NFAM1: variants seen among roughly 807,000 people sequenced by gnomAD.
NFAM1 encodes NFAT activation molecule 1.
NFAM1 carries 17 observed loss-of-function variants against 29.0 expected under a neutral mutation model. The ratio of observed to expected loss-of-function variants is 0.59; its 90% CI spans 0.40 to 0.88. The LOEUF is 0.88. Among genes scored for constraint, NFAM1 ranks in the 40% least tolerant of loss-of-function variants. The pLI is 0.00. For missense variants in NFAM1, 324 were observed against 344.6 expected (o/e 0.94, Z 0.47); for synonymous variants, 175 against 147.2 (o/e 1.19, Z -1.36).
At chr22:42,433,609 A>T (rs1930872213), upstream of NFAM1, among the ~76,000 whole-genome samples, 1 of 152,178 alleles carries the variant, frequency 6.6e-6, no homozygotes, top group African/African-American at 2.4e-5. Context: ...GGCTGCTCCA[A>T]ACATGAACAG....
intron 1 of NFAM1, among the ~76,000 whole-genome samples, chr22:42,420,073 C>T (rs560376521): frequency 7.2e-5 from 10 of 138,156 alleles, no homozygotes; most frequent in South Asian, 4.9e-4. Flanking sequence ...TGAAATGGCA[C>T]GATCTCGGCT....
chr22:42,435,391 A>G (rs1399913671), upstream of NFAM1, among the ~76,000 whole-genome samples: 1 of 144,468 alleles, frequency 6.9e-6, no homozygotes, highest in African/African-American at 2.6e-5. Flanking sequence ...CTTGTTGCCC[A>G]GGCTGGAGTG....
chr22:42,432,281 A>C lies in NFAM1; in HGVS notation c.77T>G (p.Leu26Arg). Residue 26 changes from leucine (L) to arginine (R), a missense_variant, in exon 1 of 6, where the codon CTC becomes CGC. By Grantham distance (102) the Leu-to-Arg change is moderately radical (BLOSUM62 -2). Coordinates refer to ENST00000329021, the MANE Select transcript of NFAM1 (RefSeq NM_145912.8). Reference sequence around the variant, plus strand: ...GGGCAGCAGCAGCACGCCAAGGAGGAGCCAGGGGGCTGCGGGGAGCCCAGG... The same window carrying C: ...GGGCAGCAGCAGCACGCCAAGGAGGCGCCAGGGGGCTGCGGGGAGCCCAGG... Reference protein sequence around the residue: ...RPPGLPAAPWLLLGVLLLPGT... With the variant: ...RPPGLPAAPWRLLGVLLLPGT... The C allele has an allele frequency of 6.4e-7, 1 of 1,572,900 alleles. No individual in the cohort carries two copies. The highest frequency in any genetic ancestry group is 8.6e-7 in the Non-Finnish European group (1 of 1,158,774).
intron 1 of NFAM1, among the ~76,000 whole-genome samples, chr22:42,420,386 C>G (rs559011865): frequency 6.6e-6 from 1 of 152,054 alleles, no homozygotes; most frequent in Non-Finnish European, 1.5e-5. Flanking sequence ...GCAGGAGGAT[C>G]ACCTGAGCCT....
At position 42,409,307 on chromosome 22, in the gene NFAM1, G is replaced by T; in HGVS notation, c.564+128C>A. On this transcript the variant is annotated intron_variant, in intron 3 of 5. Coordinates refer to ENST00000329021, the MANE Select transcript of NFAM1 (RefSeq NM_145912.8). The surrounding 1 kb of genome is among the most constrained non-coding windows in gnomAD (Gnocchi z 4.9). ...CCCCAGCCCTGGTGCAAGGGGCCAC[G>T]AGGGCCACCTGTTACAGATGTGGAT... 1 of 479,396 alleles carries T rather than the reference G, an allele frequency of 2.1e-6. No individual in the cohort carries two copies. The highest frequency in any genetic ancestry group is 3.7e-6 in the Non-Finnish European group (1 of 271,996). The allele number at this position is 479,396 out of a possible 1,614,324, so 29.7% of individuals were successfully genotyped here.
upstream of NFAM1, chr22:42,432,568 T>G: frequency 4.2e-6 from 1 of 239,414 alleles, no homozygotes; most frequent in Non-Finnish European, 6.8e-6. Flanking sequence ...GAAGAAGAGC[T>G]GGAGACGGGA....
At chr22:42,394,017 T>C (rs1434719046) in intron 4 of NFAM1, among the ~76,000 whole-genome samples, 1 of 152,084 alleles carries the variant, frequency 6.6e-6, no homozygotes, top group Non-Finnish European at 1.5e-5. Flanking sequence ...TGATAAAATA[T>C]TCCATATCCT....
At chr22:42,398,608 G>T (rs28591661) in intron 3 of NFAM1, among the ~76,000 whole-genome samples, 25,298 of 151,776 alleles carry the variant, frequency 0.17, 2,267 homozygotes, top group African/African-American at 0.21. Flanking sequence ...GAGATGAGGT[G>T]TCACCATGTT....
chr22:42,390,795 C>T (rs569316169), intron 4 of NFAM1, among the ~76,000 whole-genome samples: 3 of 123,858 alleles, frequency 2.4e-5, no homozygotes, highest in East Asian at 4.6e-4. Context: ...CAAGCCTGGG[C>T]AACAGAGTGA....
intron 3 of NFAM1, among the ~76,000 whole-genome samples, chr22:42,399,847 C>G (rs922262473): frequency 5.9e-5 from 9 of 152,214 alleles, no homozygotes; most frequent in Non-Finnish European, 1.3e-4. Context: ...CTGCCAAACC[C>G]CAGCCCATTT....
chr22:42,412,579 A>C (rs1454934085), intron 1 of NFAM1, among the ~76,000 whole-genome samples: 1 of 152,218 alleles, frequency 6.6e-6, no homozygotes, highest in East Asian at 1.9e-4. Flanking sequence ...AGGCCTGAGA[A>C]GAGAGAAAGC....
upstream of NFAM1, among the ~76,000 whole-genome samples, chr22:42,435,348 CTTTT>C (rs10715028): frequency 7.4e-6 from 1 of 135,198 alleles, no homozygotes; most frequent in African/African-American, 2.8e-5. Context: ...TCTTTTCTTT[CTTTT>C]TTTTTTTTTT....
upstream of NFAM1, among the ~76,000 whole-genome samples, chr22:42,436,329 C>A (rs1228162914): frequency 2.0e-5 from 3 of 152,230 alleles, no homozygotes. Context: ...GCTGAGCCGA[C>A]CAGCAGGAGG....
chr22:42,408,626 C>A (rs935548475), intron 3 of NFAM1, among the ~76,000 whole-genome samples: 19 of 152,246 alleles, frequency 1.2e-4, no homozygotes, highest in African/African-American at 4.6e-4. Flanking sequence ...ATGTGCTGGG[C>A]AAGGAGCCCC....
chr22:42,422,345 C>T (rs1464775429), intron 1 of NFAM1, among the ~76,000 whole-genome samples: 2 of 152,280 alleles, frequency 1.3e-5, no homozygotes, highest in South Asian at 2.1e-4. Context: ...GGTGCTCACG[C>T]CTGTAATCCC....
At chr22:42,418,869 A>C (rs546692663) in intron 1 of NFAM1, among the ~76,000 whole-genome samples, 1 of 152,248 alleles carries the variant, frequency 6.6e-6, no homozygotes, top group Admixed American at 6.5e-5. Flanking sequence ...GCCTGGCTGA[A>C]GGCCCCTCAG....
At chr22:42,411,864 G>A (rs2016721) in intron 1 of NFAM1, 128 bp from the exon 2 acceptor site, 175,826 of 646,072 alleles carry the variant, frequency 0.27, 25,740 homozygotes, top group South Asian at 0.45. Context: ...TTGGGAGGCC[G>A]AGGCAGGCGG....
chr22:42,397,219 G>T (rs1929560335), intron 4 of NFAM1, among the ~76,000 whole-genome samples: 1 of 152,180 alleles, frequency 6.6e-6, no homozygotes, highest in South Asian at 2.1e-4. Flanking sequence ...GGCTGGGGCA[G>T]CCTGGCCTCC....
rs1430014938 is a variant in NFAM1, at chr22:42,380,979, AG to A, written c.*4181del. 1.3e-5 allele frequency: 2 copies of A among 152,568 alleles called. No individual in the cohort carries two copies. Among genetic ancestry groups the A allele is most frequent in the Non-Finnish European group, 2.9e-5 (2 of 68,058 alleles). 9.5% of individuals were successfully genotyped at this position (152,568 alleles called of 1,614,324 possible). ...GCCACACCGGGTTCAGCGCAGAACC[AG>A]CACATGTTCCCATGGAAACTCTGCT... On this transcript the variant is annotated 3_prime_UTR_variant, in exon 6 of 6. Transcript: ENST00000329021.
Sources: allele counts gnomAD v4.1 joint callset (sites outside exome capture counted in the v4.1 genomes callset), GRCh38; gene constraint gnomAD v4.1.1; non-coding constraint Gnocchi (gnomAD v3.1); transcripts MANE v1.5; gene names NCBI Gene and HGNC (gene_info 2026-07-23, HGNC 2026-07-21).